Variants in CTCF observed in about 807,000 individuals in gnomAD.
CTCF encodes the protein CCCTC-binding factor.
Under a neutral mutation model 72.3 loss-of-function variants are expected in CTCF, and 7 were observed. The ratio of observed to expected loss-of-function variants is 0.10; its 90% CI spans 0.06 to 0.18. The LOEUF is 0.18. Ranked by LOEUF, CTCF falls within the 10% of genes least tolerant of loss-of-function variation. The pLI is 1.00. For missense variants in CTCF, 516 were observed against 949.1 expected (o/e 0.54, Z 6.00); for synonymous variants, 374 against 315.8 (o/e 1.18, Z -1.95).
chr16:67,636,366 T>C (rs1597732841), intron 10 of CTCF, among the ~76,000 whole-genome samples: 1 of 146,986 alleles, frequency 6.8e-6, no homozygotes, highest in South Asian at 2.2e-4. Context: ...AGTGAGACTC[T>C]GTCTCAAAAA....
At chr16:67,615,341 A>G (rs2052118389) in intron 4 of CTCF, 1 of 152,258 alleles carries the variant, frequency 6.6e-6, no homozygotes, top group Non-Finnish European at 1.5e-5. Context: ...AAGACCAAGC[A>G]TGGTGGCTCA....
intron 2 of CTCF, among the ~76,000 whole-genome samples, chr16:67,603,100 T>C (rs2051918742): frequency 1.3e-5 from 2 of 151,798 alleles, no homozygotes; most frequent in South Asian, 2.1e-4. Flanking sequence ...ATGCTGTAAA[T>C]GTAAGATATA....
At position 67,610,004 on chromosome 16, in the gene CTCF, G is replaced by A. The variant is rs187538303; in HGVS notation, c.-9-820G>A. Among the ~76,000 whole-genome samples, 22 of 152,192 alleles carry A rather than the reference G, an allele frequency of 1.4e-4. 1 individual carries two copies. The highest frequency in any genetic ancestry group is 3.9e-4 in the East Asian group (2 of 5,184). On this transcript the variant is annotated intron_variant, in intron 2 of 11. Coordinates refer to ENST00000264010, the MANE Select transcript of CTCF (RefSeq NM_006565.4). ...AATAGCATCTCTAGCTTTCACCCAC[G>A]AGATAACAGTAGCACATCCCAGCCC...
At chr16:67,566,358 G>A (rs1259701800) in intron 1 of CTCF, among the ~76,000 whole-genome samples, 1 of 151,280 alleles carries the variant, frequency 6.6e-6, no homozygotes, top group Non-Finnish European at 1.5e-5. Context: ...ACAAAAATTA[G>A]CTGAGCGTGG....
chr16:67,637,954 T>C lies in CTCF; in HGVS notation c.*82T>C. ...TCTTAATTTTTCTCCCTTCTTTCTTTTTTTGGCTTTGGGAAAAGCATCATT... is the reference window on the plus strand; with the variant it reads ...TCTTAATTTTTCTCCCTTCTTTCTTCTTTTGGCTTTGGGAAAAGCATCATT... On this transcript the variant is annotated 3_prime_UTR_variant, in exon 12 of 12. Coordinates refer to ENST00000264010, the MANE Select transcript of CTCF (RefSeq NM_006565.4). 2 of 1,282,128 alleles carry C rather than the reference T, an allele frequency of 1.6e-6. No homozygotes were observed. Among genetic ancestry groups the C allele is most frequent in the Non-Finnish European group, 2.1e-6 (2 of 957,262 alleles). The allele number at this position is 1,282,128 out of a possible 1,614,324, so 79.4% of individuals were successfully genotyped here.
chr16:67,635,207 A>C (rs1461007258), intron 10 of CTCF, among the ~76,000 whole-genome samples: 1 of 151,116 alleles, frequency 6.6e-6, no homozygotes, highest in Admixed American at 6.6e-5. Context: ...ATTTTAGTAG[A>C]GACAGGGTTT....
chr16:67,581,930 A>G (rs1242378182), intron 2 of CTCF, among the ~76,000 whole-genome samples: 2 of 151,958 alleles, frequency 1.3e-5, no homozygotes, highest in African/African-American at 2.4e-5. Context: ...CCTCTGTTAG[A>G]TATCTTTTGT....
At chr16:67,610,118 C>CCAAT (rs1175658759) in intron 2 of CTCF, among the ~76,000 whole-genome samples, 1 of 152,150 alleles carries the variant, frequency 6.6e-6, no homozygotes, top group Non-Finnish European at 1.5e-5. Flanking sequence ...GGTTCTCCCT[C>CCAAT]CAATCAGTCT....
intron 11 of CTCF, 24 bp from the exon 12 acceptor site, chr16:67,637,664 T>C: frequency 6.3e-7 from 1 of 1,594,050 alleles, no homozygotes; most frequent in Non-Finnish European, 8.6e-7. Context: ...GACCATTTGT[T>C]CTGTCTGTGC....
chr16:67,634,662 C>T, intron 10 of CTCF, among the ~76,000 whole-genome samples: 1 of 151,610 alleles, frequency 6.6e-6, no homozygotes. Context: ...GGACTACAGA[C>T]ACACACCACC....
intron 2 of CTCF, among the ~76,000 whole-genome samples, chr16:67,603,599 C>A (rs752021786): frequency 1.3e-5 from 2 of 150,530 alleles, no homozygotes; most frequent in Non-Finnish European, 3.0e-5. Context: ...CCAAGGCGGG[C>A]GGATCAGGAG....
intron 7 of CTCF, among the ~76,000 whole-genome samples, chr16:67,624,108 T>TGC (rs1356200137): frequency 7.9e-5 from 11 of 139,716 alleles, no homozygotes; most frequent in Admixed American, 7.6e-4. Flanking sequence ...TGTGTGTGTG[T>TGC]GTGTGTGTAT....
rs111278790 is a variant in CTCF, at chr16:67,565,853, G to T, written c.-127+3129G>T. 3.3e-3 allele frequency among the ~76,000 whole-genome samples: 499 copies of T among 152,312 alleles called. 1 individual carries two copies. The highest frequency in any genetic ancestry group is 0.014 in the Middle Eastern group (4 of 294). On this transcript the variant is annotated intron_variant, in intron 1 of 11. Coordinates refer to ENST00000264010, the MANE Select transcript of CTCF (RefSeq NM_006565.4). ...GGCACTCACCTGGGACTTCTGAATGGCTTGGGGAGTTCCTTGGTGGAAGCC... is the reference window on the plus strand; with the variant it reads ...GGCACTCACCTGGGACTTCTGAATGTCTTGGGGAGTTCCTTGGTGGAAGCC...
chr16:67,599,096 C>A (rs912446574), intron 2 of CTCF, among the ~76,000 whole-genome samples: 1 of 152,068 alleles, frequency 6.6e-6, no homozygotes, highest in African/African-American at 2.4e-5. Context: ...CTGAAGTGGC[C>A]GGGTGCGGTG....
chr16:67,576,157 AAAAAAC>A (rs2051493688), intron 2 of CTCF, among the ~76,000 whole-genome samples: 1 of 151,472 alleles, frequency 6.6e-6, no homozygotes, highest in Non-Finnish European at 1.5e-5. Context: ...AAAAAAAAAA[AAAAAAC>A]GGAAGGCTGT....
intron 2 of CTCF, among the ~76,000 whole-genome samples, chr16:67,576,615 A>T (rs2051501271): frequency 7.4e-6 from 1 of 135,810 alleles, no homozygotes; most frequent in Non-Finnish European, 1.5e-5. Context: ...GTGCAGTGGC[A>T]CGATCTCTGC....
At chr16:67,594,614 A>G (rs2051788240) in intron 2 of CTCF, among the ~76,000 whole-genome samples, 1 of 152,178 alleles carries the variant, frequency 6.6e-6, no homozygotes, top group Admixed American at 6.5e-5. Flanking sequence ...ATAGTGATGC[A>G]AAGAGAGCAA....
Position 67,626,593 on chromosome 16 carries a change from G to A in CTCF, c.1396G>A (p.Gly466Ser). The change falls in exon 8 of 12, where the codon GGC (glycine) becomes AGC (serine). Residue 466 changes from glycine (G) to serine (S), a missense_variant. Around this residue, in one of 7 missense-constraint regions of CTCF, gnomAD observed 81 missense variants for 184.3 expected, o/e 0.44. Coordinates refer to ENST00000264010, the MANE Select transcript of CTCF (RefSeq NM_006565.4). The stretch of plus-strand genomic sequence containing the variant: ...AAAGCAGCATTCCTATATTGAGCAA[G>A]GCAAGAAATGCCGTTACTGTGATGC... ...LRKQHSYIEQ[G>S]KKCRYCDAVF... 6.4e-7 allele frequency: 1 copy of A among 1,559,594 alleles called. No homozygotes were observed. Among genetic ancestry groups the A allele is most frequent in the Non-Finnish European group, 8.7e-7 (1 of 1,151,112 alleles).
At chr16:67,629,014 T>C (rs2142868088) in intron 9 of CTCF, among the ~76,000 whole-genome samples, 1 of 151,294 alleles carries the variant, frequency 6.6e-6, no homozygotes, top group South Asian at 2.1e-4. Context: ...ATGGCACCAC[T>C]GCACTCCAGC....
Sources: gnomAD v4.1 joint callset for allele counts (sites outside exome capture counted in the v4.1 genomes callset) on GRCh38, gnomAD v4.1.1 for gene constraint, gnomAD v4.1.1 regional missense constraint, MANE v1.5 for transcripts, NCBI Gene and HGNC (gene_info 2026-07-23, HGNC 2026-07-21) for gene names.